KCNQ1: variants seen among roughly 807,000 people sequenced by gnomAD.
KCNQ1 encodes the protein potassium voltage-gated channel subfamily KQT member 1.
In KCNQ1, 49 loss-of-function variants were observed where a neutral mutation model predicts 72.4. The ratio of observed to expected loss-of-function variants is 0.68; its 90% CI spans 0.54 to 0.86. KCNQ1 has a LOEUF of 0.86. KCNQ1 is among the 40% of genes least tolerant of loss of function. The probability of loss-of-function intolerance (pLI) is 0.00; values close to 1 mark genes in which losing one functional copy is unlikely to be tolerated. For synonymous variants in KCNQ1, 450 were observed against 412.6 expected, an observed-to-expected ratio of 1.09 and a Z score of -1.10; for missense variants, 790 against 945.1, an observed-to-expected ratio of 0.84 and a Z score of 2.15.
intron 12 of KCNQ1, among the ~76,000 whole-genome samples, chr11:2,774,906 C>G (rs574501423): frequency 2.6e-5 from 4 of 152,324 alleles, no homozygotes; most frequent in Admixed American, 6.5e-5. Flanking sequence ...TCAATTGCCT[C>G]CCTCTGACTT....
At position 2,703,201 on chromosome 11, in the gene KCNQ1, C is replaced by G. The variant is rs1850848952; in HGVS notation, c.1514+41120C>G. Among the ~76,000 whole-genome samples the G allele has an allele frequency of 6.6e-6, 1 of 152,244 alleles. No homozygotes were observed. Among genetic ancestry groups the G allele is most frequent in the Admixed American group, 6.5e-5 (1 of 15,298 alleles). ...GAGGGGGCTGCAGTCACGGCCAGCT[C>G]CCTTTCTGAATTGTTCTGTGGGTTG... On this transcript the variant is annotated intron_variant, in intron 11 of 15. Transcript: ENST00000155840. This position sits in a 1 kb window ranked among gnomAD's most constrained non-coding sequence, Gnocchi z 6.4.
chr11:2,649,976 ATTCT>A, intron 10 of KCNQ1: 1 of 398,424 alleles, frequency 2.5e-6, no homozygotes, highest in African/African-American at 2.1e-5. Flanking sequence ...GGCATTCTTC[ATTCT>A]TTTTTATTGT....
At chr11:2,821,893 T>A (rs1847745325) in intron 15 of KCNQ1, among the ~76,000 whole-genome samples, 1 of 152,178 alleles carries the variant, frequency 6.6e-6, no homozygotes, top group Admixed American at 6.5e-5. Context: ...CCCAGTGATG[T>A]CCTCATTCTA....
chr11:2,544,920 T>C lies in KCNQ1; in HGVS notation c.477+16902T>C, dbSNP rs1847884526. On this transcript the variant is annotated intron_variant, in intron 2 of 15. Transcript: ENST00000155840. This position sits in a 1 kb window ranked among gnomAD's most constrained non-coding sequence, Gnocchi z 4.4. ...TCATTGTTCACCGTCAAGGGTGATG[T>C]TGGCTCTGGGTTTCCATAGATGTCT... Among the ~76,000 whole-genome samples, 2 of 152,254 alleles carry C rather than the reference T, an allele frequency of 1.3e-5. No homozygotes were observed. The highest frequency in any genetic ancestry group is 2.1e-4 in the South Asian group (1 of 4,836).
rs1477489958 is a variant in KCNQ1, at chr11:2,491,447, T to C, written c.387-36481T>C. 1.3e-5 allele frequency among the ~76,000 whole-genome samples: 2 copies of C among 152,100 alleles called. No individual in the cohort carries two copies. Among genetic ancestry groups the C allele is most frequent in the African/African-American group, 4.8e-5 (2 of 41,412 alleles). ...GGAGTTGAAAAATGCAGCTGACATA[T>C]TGAAGAATGTATCAGAATCTCTTGA... On this transcript the variant is annotated intron_variant, in intron 1 of 15. Transcript: ENST00000155840. The surrounding 1 kb of genome is among the most constrained non-coding windows in gnomAD (Gnocchi z 4.1).
intron 11 of KCNQ1, among the ~76,000 whole-genome samples, chr11:2,707,595 C>T (rs1850931409): frequency 2.0e-5 from 3 of 152,204 alleles, no homozygotes; most frequent in African/African-American, 7.2e-5. Context: ...TGGATGTGCA[C>T]TGGCACACTC....
rs1023611702 is a variant in KCNQ1 at position 2,471,873 on chromosome 11, T to G, written c.386+26389T>G. Among the ~76,000 whole-genome samples, 3 of 151,468 alleles carry G rather than the reference T, an allele frequency of 2.0e-5. No homozygotes were observed. Among genetic ancestry groups the G allele is most frequent in the African/African-American group, 7.3e-5 (3 of 40,834 alleles). On this transcript the variant is annotated intron_variant, in intron 1 of 15. Coordinates refer to ENST00000155840, the MANE Select transcript of KCNQ1 (RefSeq NM_000218.3). The surrounding 1 kb of genome is among the most constrained non-coding windows in gnomAD (Gnocchi z 4.8). ...ATAGGTGTGTGTGTTTATGTATGGG[T>G]GTGTGTGCACATGTGTATAGGTGTG...
In KCNQ1 at chr11:2,483,773, T is replaced by C. The variant is rs964305280; in HGVS notation, c.386+38289T>C. ...TGAGGTCAGCATGTCTTAGGGCGGG[T>C]TCATTTGACCTTGACCACTCAGGTA... On this transcript the variant is annotated intron_variant, in intron 1 of 15. Coordinates refer to ENST00000155840, the MANE Select transcript of KCNQ1 (RefSeq NM_000218.3). This position sits in a 1 kb window ranked among gnomAD's most constrained non-coding sequence, Gnocchi z 6.1. Among the ~76,000 whole-genome samples the C allele has an allele frequency of 9.9e-5, 15 of 152,080 alleles. No individual in the cohort carries two copies. The highest frequency in any genetic ancestry group is 3.6e-4 in the African/African-American group (15 of 41,390).
chr11:2,835,573 G>A (rs927617565), intron 15 of KCNQ1, among the ~76,000 whole-genome samples: 1 of 152,204 alleles, frequency 6.6e-6, no homozygotes, highest in Non-Finnish European at 1.5e-5. Flanking sequence ...GGTACAGCAA[G>A]GGCAGAAGCC....
chr11:2,613,779 A>G lies in KCNQ1; in HGVS notation c.1393+24925A>G. 2.5e-6 allele frequency: 1 copy of G among 398,518 alleles called. No individual in the cohort carries two copies. Among genetic ancestry groups the G allele is most frequent in the South Asian group, 1.3e-4 (1 of 7,854 alleles). 24.7% of individuals were successfully genotyped at this position (398,518 alleles called of 1,614,324 possible). Reference sequence around the variant, plus strand: ...AGCTACTGAGAGAAATCTTCCTCTCACCCATATCTCTTCCATCCTAATTCC... The same window carrying G: ...AGCTACTGAGAGAAATCTTCCTCTCGCCCATATCTCTTCCATCCTAATTCC... On this transcript the variant is annotated intron_variant, in intron 10 of 15. Transcript: ENST00000155840. The surrounding 1 kb of genome is among the most constrained non-coding windows in gnomAD (Gnocchi z 4.8).
intron 8 of KCNQ1, among the ~76,000 whole-genome samples, chr11:2,587,200 T>C (rs1455326120): frequency 6.6e-6 from 1 of 152,192 alleles, no homozygotes; most frequent in Non-Finnish European, 1.5e-5. Context: ...CATTTCCGCA[T>C]TGGTCTCCTA....
intron 1 of KCNQ1, among the ~76,000 whole-genome samples, chr11:2,466,980 G>T (rs1049873766): frequency 1.3e-5 from 2 of 152,246 alleles, no homozygotes; most frequent in African/African-American, 4.8e-5. Flanking sequence ...CTTTGGGGTG[G>T]GTTTGTGGGC....
In KCNQ1 at chr11:2,642,481, AGTTTT is replaced by A. The variant is rs1849594748; in HGVS notation, c.1394-19478_1394-19474del. ...AATCAATTTATTGATCAGACTGAAG[AGTTTT>A]GATTTTTGTATTTCATGGTATGAGT... is the stretch of plus-strand genomic sequence containing the variant. On this transcript the variant is annotated intron_variant, in intron 10 of 15. Coordinates refer to ENST00000155840, the MANE Select transcript of KCNQ1 (RefSeq NM_000218.3). This position sits in a 1 kb window ranked among gnomAD's most constrained non-coding sequence, Gnocchi z 4.3. 2 of 397,820 alleles carry A rather than the reference AGTTTT, an allele frequency of 5.0e-6. No homozygotes were observed. 24.6% of individuals were successfully genotyped at this position (397,820 alleles called of 1,614,324 possible).
In KCNQ1 at chr11:2,562,744, A is replaced by G. The variant is rs1257628491; in HGVS notation, c.478-7884A>G. ...TGGGTGGATTCCTGGCTCCAGTGGA[A>G]GGTCCCCAGGCCTAAGTCTATGGGG... On this transcript the variant is annotated intron_variant, in intron 2 of 15. Coordinates refer to ENST00000155840, the MANE Select transcript of KCNQ1 (RefSeq NM_000218.3). The surrounding 1 kb of genome is among the most constrained non-coding windows in gnomAD (Gnocchi z 7.5). Among the ~76,000 whole-genome samples, 1 of 152,166 alleles carries G rather than the reference A, an allele frequency of 6.6e-6. No individual in the cohort carries two copies.
intron 15 of KCNQ1, among the ~76,000 whole-genome samples, chr11:2,831,446 C>T (rs970465033): frequency 1.3e-5 from 2 of 152,084 alleles, no homozygotes; most frequent in Non-Finnish European, 2.9e-5. Context: ...CCAGGAAGCC[C>T]TCCCTGACTG....
At chr11:2,760,580 G>A (rs1365244934) in intron 11 of KCNQ1, among the ~76,000 whole-genome samples, 1 of 152,140 alleles carries the variant, frequency 6.6e-6, no homozygotes, top group Non-Finnish European at 1.5e-5. Context: ...CCCTTCAGTA[G>A]GTGAGGAAGC....
At chr11:2,633,355 A>C in intron 10 of KCNQ1, 1 of 398,272 alleles carries the variant, frequency 2.5e-6, no homozygotes, top group Non-Finnish European at 4.4e-6. Flanking sequence ...ATTTCCTTTT[A>C]TGTGTAGGTT....
chr11:2,454,211 C>G (rs1012822006), intron 1 of KCNQ1, among the ~76,000 whole-genome samples: 4 of 151,862 alleles, frequency 2.6e-5, no homozygotes, highest in African/African-American at 7.3e-5. Context: ...AAGTTTACCT[C>G]AAAAGGGTGG....
intron 1 of KCNQ1, among the ~76,000 whole-genome samples, chr11:2,502,034 A>G (rs2133645303): frequency 6.6e-6 from 1 of 152,328 alleles, no homozygotes; most frequent in Admixed American, 6.5e-5. Flanking sequence ...TAGGTATAGA[A>G]GGAACATACC....
Sources: gnomAD v4.1 joint callset for allele counts (sites outside exome capture counted in the v4.1 genomes callset) on GRCh38, gnomAD v4.1.1 for gene constraint, Gnocchi (gnomAD v3.1) non-coding constraint, MANE v1.5 for transcripts, NCBI Gene and HGNC (gene_info 2026-07-23, HGNC 2026-07-21) for gene names.